ATXN1: variants seen among roughly 807,000 people sequenced by gnomAD.
ATXN1 encodes the protein ataxin 1, also known as ataxin-1.
ATXN1 carries 8 observed loss-of-function variants against 56.4 expected under a neutral mutation model. The observed-to-expected ratio is 0.14, with a 90% confidence interval of 0.08 to 0.26. The LOEUF is 0.26. ATXN1 is among the 10% of genes least tolerant of loss of function. The probability of loss-of-function intolerance (pLI) is 1.00; values close to 1 mark genes in which losing one functional copy is unlikely to be tolerated. For synonymous variants in ATXN1, 514 were observed against 494.6 expected, an observed-to-expected ratio of 1.04 and a Z score of -0.52; for missense variants, 987 against 1,106.5, an observed-to-expected ratio of 0.89 and a Z score of 1.53.
chr6:16,697,095 G>T (rs779195155), intron 2 of ATXN1, among the ~76,000 whole-genome samples: 20 of 152,174 alleles, frequency 1.3e-4, no homozygotes, highest in Non-Finnish European at 4.4e-5. Context: ...GCTAGTAACA[G>T]AGTGTTAGTA....
At chr6:16,374,275 G>C (rs9396666) in intron 6 of ATXN1, among the ~76,000 whole-genome samples, 1 of 151,876 alleles carries the variant, frequency 6.6e-6, no homozygotes, top group East Asian at 1.9e-4. Context: ...AAGTATGCTC[G>C]ATTAGCAAGC....
At chr6:16,745,787 C>A (rs1419557642) in intron 2 of ATXN1, among the ~76,000 whole-genome samples, 1 of 152,086 alleles carries the variant, frequency 6.6e-6, no homozygotes, top group Admixed American at 6.5e-5. Context: ...TAGTCCTTCC[C>A]AAATTTCAAA....
chr6:16,348,937 T>A (rs1194979120), intron 6 of ATXN1, among the ~76,000 whole-genome samples: 1 of 152,168 alleles, frequency 6.6e-6, no homozygotes, highest in East Asian at 1.9e-4. Context: ...GCTGTGTATA[T>A]CTGATGCAAG....
intron 6 of ATXN1, among the ~76,000 whole-genome samples, chr6:16,453,232 G>A (rs952003035): frequency 7.2e-5 from 11 of 152,100 alleles, no homozygotes; most frequent in African/African-American, 1.9e-4. Context: ...ATGCCGAGGC[G>A]GGTGGATCAC....
chr6:16,593,185 G>A (rs192859018), intron 3 of ATXN1, among the ~76,000 whole-genome samples: 28 of 152,184 alleles, frequency 1.8e-4, no homozygotes, highest in Admixed American at 1.4e-3. Context: ...GTCCCCACTC[G>A]ACCCAGGAAG....
intron 2 of ATXN1, among the ~76,000 whole-genome samples, chr6:16,703,290 T>C (rs1029634678): frequency 2.0e-5 from 3 of 151,862 alleles, no homozygotes; most frequent in South Asian, 2.1e-4. Context: ...ATGAGAACAC[T>C]TGGGCACAGG....
At chr6:16,348,697 GAAAA>G (rs75457709) in intron 6 of ATXN1, among the ~76,000 whole-genome samples, 1 of 145,542 alleles carries the variant, frequency 6.9e-6, no homozygotes, top group African/African-American at 2.5e-5. Flanking sequence ...CTCTGCCTTA[GAAAA>G]AAAAAAATGA....
In ATXN1 at chr6:16,547,658, C is replaced by T. The variant is rs150292643; in HGVS notation, c.-360-24970G>A. 1.3e-3 allele frequency among the ~76,000 whole-genome samples: 201 copies of T among 152,244 alleles called. No individual in the cohort carries two copies. In the Middle Eastern group the frequency reaches 0.021, roughly 16 times the overall value. On this transcript the variant is annotated intron_variant, in intron 4 of 7. Coordinates refer to ENST00000436367, the MANE Select transcript of ATXN1 (RefSeq NM_001128164.2). ...TGCAAAGGAGAATCTGTTCCATGCC[C>T]CTCTCCCAGCTTCTGGTGGCTTTCC... is the stretch of plus-strand genomic sequence containing the variant.
chr6:16,443,864 C>A (rs1759573605), intron 6 of ATXN1, among the ~76,000 whole-genome samples: 1 of 152,046 alleles, frequency 6.6e-6, no homozygotes, highest in South Asian at 2.1e-4. Context: ...TGCCTGTAAT[C>A]CCAGCACTTT....
chr6:16,652,925 G>A (rs796143203), intron 3 of ATXN1: 19 of 152,230 alleles, frequency 1.2e-4, no homozygotes, highest in African/African-American at 4.6e-4. Flanking sequence ...CTCCAACACT[G>A]GGCTTGAAGG....
chr6:16,465,176 G>A (rs971977744), intron 6 of ATXN1, among the ~76,000 whole-genome samples: 2 of 152,200 alleles, frequency 1.3e-5, no homozygotes, highest in African/African-American at 4.8e-5. Flanking sequence ...CAGGCAAGGT[G>A]CAACGGCTGG....
chr6:16,306,148 T>C lies in ATXN1; in HGVS notation c.*181A>G. On this transcript the variant is annotated 3_prime_UTR_variant, in exon 8 of 8. Transcript: ENST00000436367. The surrounding 1 kb of genome is among the most constrained non-coding windows in gnomAD (Gnocchi z 5.2). Reference sequence around the variant, plus strand: ...CCGCCCGCTCACTGACAGACACTCGTGGAAAAAGCATATGCACCAGTCTCC... The same window carrying C: ...CCGCCCGCTCACTGACAGACACTCGCGGAAAAAGCATATGCACCAGTCTCC... 1.4e-6 allele frequency: 1 copy of C among 732,322 alleles called. No homozygotes were observed. The allele number at this position is 732,322 out of a possible 1,614,324, so 45.4% of individuals were successfully genotyped here.
intron 6 of ATXN1, among the ~76,000 whole-genome samples, chr6:16,480,423 C>T (rs560738783): frequency 2.0e-5 from 3 of 152,042 alleles, no homozygotes; most frequent in Admixed American, 6.6e-5. Context: ...TGCTTGAAGG[C>T]TCAATTTAGA....
At chr6:16,706,018 G>A (rs1044192452) in intron 2 of ATXN1, among the ~76,000 whole-genome samples, 4 of 151,686 alleles carry the variant, frequency 2.6e-5, no homozygotes, top group Admixed American at 1.3e-4. Flanking sequence ...CCCCTCTAGC[G>A]GTGTCAGGCC....
At position 16,306,340 on chromosome 6, in the gene ATXN1, C is replaced by T. The variant is rs148490141; in HGVS notation, c.2437G>A (p.Val813Ile). The change falls in exon 8 of 8, where the codon GTA becomes ATA. Residue 813 changes from valine to isoleucine, a missense_variant. Coordinates refer to ENST00000436367, the MANE Select transcript of ATXN1 (RefSeq NM_001128164.2). This position sits in a 1 kb window ranked among gnomAD's most constrained non-coding sequence, Gnocchi z 5.2. Reference sequence around the variant, plus strand: ...CCCCCACGCTGCCTCTACTTGCCTACATTAGACCGGCCTTCAATGCAAATC... The same window carrying T: ...CCCCCACGCTGCCTCTACTTGCCTATATTAGACCGGCCTTCAATGCAAATC... The part of the protein sequence containing the change: ...VKICIEGRSN[V>I]GK The T allele has an allele frequency of 3.9e-4, 624 of 1,607,752 alleles. No individual in the cohort carries two copies. The highest frequency in any genetic ancestry group is 4.5e-4 in the Non-Finnish European group (531 of 1,177,484).
At chr6:16,523,202 G>A (rs963554822) in intron 4 of ATXN1, among the ~76,000 whole-genome samples, 11 of 152,036 alleles carry the variant, frequency 7.2e-5, no homozygotes, top group South Asian at 4.1e-4. Context: ...GTACCCAGCC[G>A]TGTTTTATTT....
chr6:16,660,602 TTAAA>T (rs1167681923), intron 2 of ATXN1, among the ~76,000 whole-genome samples: 1 of 152,212 alleles, frequency 6.6e-6, no homozygotes, highest in Middle Eastern at 3.2e-3. Context: ...AAGGAACTTA[TTAAA>T]TGTTTGCCAT....
chr6:16,521,689 T>C (rs183932451), intron 5 of ATXN1, among the ~76,000 whole-genome samples: 73 of 152,318 alleles, frequency 4.8e-4, no homozygotes, highest in Non-Finnish European at 7.6e-4. Context: ...GCGAGTCGGG[T>C]GTGTGGGTCT....
At chr6:16,490,982 G>A (rs1350680089) in intron 5 of ATXN1, among the ~76,000 whole-genome samples, 2 of 151,974 alleles carry the variant, frequency 1.3e-5, no homozygotes, top group East Asian at 3.9e-4. Flanking sequence ...GCCCACTGGA[G>A]AAGGAAGCTT....
Sources: allele counts gnomAD v4.1 joint callset (sites outside exome capture counted in the v4.1 genomes callset), GRCh38; gene constraint gnomAD v4.1.1; non-coding constraint Gnocchi (gnomAD v3.1); transcripts MANE v1.5; gene names NCBI Gene and HGNC (gene_info 2026-07-23, HGNC 2026-07-21).